Variants in KCNJ4 observed in about 807,000 individuals in gnomAD.
The protein encoded by KCNJ4 is inward rectifier potassium channel 4.
In KCNJ4, 3 loss-of-function variants were observed where a neutral mutation model predicts 25.6. The observed-to-expected ratio is 0.12, with a 90% confidence interval of 0.05 to 0.30. The LOEUF (loss-of-function observed/expected upper bound fraction) is 0.30. Ranked by LOEUF, KCNJ4 falls within the 10% of genes least tolerant of loss-of-function variation. The pLI is 1.00. For missense variants in KCNJ4, 286 were observed against 666.8 expected (o/e 0.43, Z 6.29); for synonymous variants, 257 against 283.9 (o/e 0.91, Z 0.95).
chr22:38,429,677 C>G (rs966280401), intron 1 of KCNJ4, among the ~76,000 whole-genome samples: 2 of 152,140 alleles, frequency 1.3e-5, no homozygotes, highest in East Asian at 3.9e-4. Context: ...CACTGGGTGG[C>G]GGGATGCGCC....
intron 1 of KCNJ4, among the ~76,000 whole-genome samples, chr22:38,438,643 C>G (rs747685677): frequency 1.3e-5 from 2 of 150,940 alleles, no homozygotes; most frequent in African/African-American, 4.9e-5. Flanking sequence ...GAGCTGAGAT[C>G]GCGCCACTGC....
At chr22:38,447,299 G>A (rs1050150292) in intron 1 of KCNJ4, among the ~76,000 whole-genome samples, 1 of 152,200 alleles carries the variant, frequency 6.6e-6, no homozygotes, top group Non-Finnish European at 1.5e-5. Context: ...GGAGCTCCCC[G>A]TGAGGAACAG....
chr22:38,436,621 C>T (rs2093066304), intron 1 of KCNJ4, among the ~76,000 whole-genome samples: 1 of 152,302 alleles, frequency 6.6e-6, no homozygotes, highest in South Asian at 2.1e-4. Flanking sequence ...CCACGAAATC[C>T]TGTGGTACAC....
intron 1 of KCNJ4, among the ~76,000 whole-genome samples, chr22:38,433,440 C>T (rs1412758407): frequency 6.6e-6 from 1 of 152,104 alleles, no homozygotes; most frequent in Non-Finnish European, 1.5e-5. Context: ...GAGTGAAACT[C>T]CGTCTCAAAA....
At chr22:38,448,215 C>T (rs2089388693) in intron 1 of KCNJ4, among the ~76,000 whole-genome samples, 1 of 149,782 alleles carries the variant, frequency 6.7e-6, no homozygotes, top group Non-Finnish European at 1.5e-5. Context: ...CATTGCATTC[C>T]AGCCTGGGTG....
chr22:38,430,017 C>A (rs1322370375), intron 1 of KCNJ4, among the ~76,000 whole-genome samples: 2 of 152,186 alleles, frequency 1.3e-5, no homozygotes, highest in Non-Finnish European at 2.9e-5. Context: ...AACTCCCTCT[C>A]CGGGCCCAGG....
At chr22:38,441,835 G>A (rs1167180793) in intron 1 of KCNJ4, among the ~76,000 whole-genome samples, 3 of 152,192 alleles carry the variant, frequency 2.0e-5, no homozygotes, top group African/African-American at 7.2e-5. Context: ...GCCTGGAAGC[G>A]GCCCAAATGC....
intron 1 of KCNJ4, among the ~76,000 whole-genome samples, chr22:38,448,791 A>G (rs1457626635): frequency 6.6e-6 from 1 of 152,130 alleles, no homozygotes; most frequent in Non-Finnish European, 1.5e-5. Flanking sequence ...GAGAAGGCCA[A>G]TGCAGCCGCA....
Position 38,427,692 on chromosome 22 carries a change from C to A in KCNJ4, c.441G>T (p.Pro147=). Residue 147 remains proline, a synonymous_variant, in exon 2 of 2, where the codon CCG becomes CCT. Coordinates refer to ENST00000303592, the MANE Select transcript of KCNJ4 (RefSeq NM_152868.3). ...YGFRCVTEEC[P]LAVIAVVVQS... Reference sequence around the variant, plus strand: ...GGACCACCACAGCGATGACTGCCAGCGGGCACTCCTCTGTCACGCACCGGA... The same window carrying A: ...GGACCACCACAGCGATGACTGCCAGAGGGCACTCCTCTGTCACGCACCGGA... 6.2e-7 allele frequency: 1 copy of A among 1,612,620 alleles called. No homozygotes were observed. The highest frequency in any genetic ancestry group is 8.5e-7 in the Non-Finnish European group (1 of 1,179,976).
rs2089353631 is a variant in KCNJ4 at position 38,443,687 on chromosome 22, A to T, written c.-40+11293T>A. Among the ~76,000 whole-genome samples, 1 of 152,190 alleles carries T rather than the reference A, an allele frequency of 6.6e-6. No homozygotes were observed. The highest frequency in any genetic ancestry group is 1.5e-5 in the Non-Finnish European group (1 of 68,022). The stretch of plus-strand genomic sequence containing the variant: ...CCACAGTGGGCTTGGGAGCTTGCCC[A>T]AAGCGGGTGAACCTCGGGGCCCCGG... On this transcript the variant is annotated intron_variant, in intron 1 of 1. Coordinates refer to ENST00000303592, the MANE Select transcript of KCNJ4 (RefSeq NM_152868.3). The surrounding 1 kb of genome is among the most constrained non-coding windows in gnomAD (Gnocchi z 4.1).
intron 1 of KCNJ4, among the ~76,000 whole-genome samples, chr22:38,441,398 C>A (rs1254251948): frequency 6.6e-6 from 1 of 152,152 alleles, no homozygotes; most frequent in Non-Finnish European, 1.5e-5. Context: ...CATGTCTGAT[C>A]ATCATCTGAC....
chr22:38,433,401 G>A (rs900310229), intron 1 of KCNJ4, among the ~76,000 whole-genome samples: 1 of 151,698 alleles, frequency 6.6e-6, no homozygotes, highest in Non-Finnish European at 1.5e-5. Context: ...AGCCGAGATC[G>A]TGTCATTGCA....
intron 1 of KCNJ4, among the ~76,000 whole-genome samples, chr22:38,438,646 G>A (rs1003673436): frequency 3.3e-5 from 5 of 151,262 alleles, no homozygotes; most frequent in African/African-American, 4.9e-5. Flanking sequence ...CTGAGATCGC[G>A]CCACTGCACT....
rs558705249 is a variant in KCNJ4 at position 38,447,346 on chromosome 22, G to A, written c.-40+7634C>T. On this transcript the variant is annotated intron_variant, in intron 1 of 1. Transcript: ENST00000303592. ...TTGAGGCCCATTTCTCAGGATAACT[G>A]CAGAAGGGTATCCATGGGCACGAGG... 1.6e-4 allele frequency among the ~76,000 whole-genome samples: 24 copies of A among 152,314 alleles called. No homozygotes were observed. The South Asian group carries it at 4.8e-3, about 30-fold the overall frequency.
chr22:38,445,428 G>GT (rs954162083), intron 1 of KCNJ4, among the ~76,000 whole-genome samples: 52 of 152,324 alleles, frequency 3.4e-4, no homozygotes, highest in African/African-American at 1.1e-3. Flanking sequence ...TAGCTTTCAA[G>GT]TTTTTTGACC....
chr22:38,434,650 C>T (rs1011840069), intron 1 of KCNJ4, among the ~76,000 whole-genome samples: 4 of 152,142 alleles, frequency 2.6e-5, no homozygotes, highest in Non-Finnish European at 5.9e-5. Context: ...ACCTGGGACC[C>T]CCAGGCTCTC....
intron 1 of KCNJ4, among the ~76,000 whole-genome samples, chr22:38,440,772 G>A (rs902557140): frequency 1.3e-5 from 2 of 152,172 alleles, no homozygotes; most frequent in African/African-American, 4.8e-5. Flanking sequence ...TGCATTCTGG[G>A]TGAAGAGTCC....
chr22:38,439,765 A>G (rs2089318859), intron 1 of KCNJ4, among the ~76,000 whole-genome samples: 1 of 119,394 alleles, frequency 8.4e-6, no homozygotes, highest in African/African-American at 3.5e-5. Context: ...ACAGAGCGAG[A>G]CTCCATCTCA....
At chr22:38,446,507 A>G (rs143596069) in intron 1 of KCNJ4, among the ~76,000 whole-genome samples, 1 of 152,310 alleles carries the variant, frequency 6.6e-6, no homozygotes, top group Non-Finnish European at 1.5e-5. Flanking sequence ...TGTCCAGAGA[A>G]GTGGTACCCC....
Sources: allele counts gnomAD v4.1 joint callset (sites outside exome capture counted in the v4.1 genomes callset), GRCh38; gene constraint gnomAD v4.1.1; non-coding constraint Gnocchi (gnomAD v3.1); transcripts MANE v1.5; gene names NCBI Gene and HGNC (gene_info 2026-07-23, HGNC 2026-07-21).